RHOU: variants seen among roughly 807,000 people sequenced by gnomAD.
RHOU encodes the protein rho-related GTP-binding protein RhoU.
In RHOU, 8 loss-of-function variants were observed where a neutral mutation model predicts 12.6. That is an observed-to-expected ratio of 0.64 (90% CI 0.37 to 1.15). The LOEUF (loss-of-function observed/expected upper bound fraction) is 1.15. Among genes scored for constraint, RHOU ranks in the 50% most tolerant of loss-of-function variants. The pLI is 0.01. For synonymous variants in RHOU, 161 were observed against 147.4 expected (o/e 1.09, Z -0.67); for missense variants, 258 against 347.0 (o/e 0.74, Z 2.04).
chr1:228,710,597 A>G, the RHOU span, among the ~76,000 whole-genome samples: 1 of 152,218 alleles, frequency 6.6e-6, no homozygotes, highest in Non-Finnish European at 1.5e-5. Context: ...AAGGCCTTTG[A>G]CAAAATTCAA....
the RHOU span, among the ~76,000 whole-genome samples, chr1:228,664,454 G>C: frequency 6.6e-6 from 1 of 152,098 alleles, no homozygotes; most frequent in Non-Finnish European, 1.5e-5. Context: ...TCTCAGAAAC[G>C]TATTCTGAGA....
the RHOU span, among the ~76,000 whole-genome samples, chr1:228,702,576 A>G: frequency 4.6e-5 from 7 of 152,190 alleles, no homozygotes; most frequent in Non-Finnish European, 2.9e-5. Flanking sequence ...ACAAAAACAT[A>G]AGCTCACAGT....
At chr1:228,678,020 T>C in the RHOU span, among the ~76,000 whole-genome samples, 1 of 152,164 alleles carries the variant, frequency 6.6e-6, no homozygotes, top group South Asian at 2.1e-4. Flanking sequence ...GTATTTTAGT[T>C]TTCTGACTCG....
the RHOU span, among the ~76,000 whole-genome samples, chr1:228,708,490 TG>T: frequency 6.7e-6 from 1 of 149,116 alleles, no homozygotes; most frequent in Non-Finnish European, 1.5e-5. Flanking sequence ...CAGAAGAGAG[TG>T]GGGGCCAATA....
chr1:228,669,551 C>T, the RHOU span, among the ~76,000 whole-genome samples: 1 of 152,168 alleles, frequency 6.6e-6, no homozygotes, highest in Non-Finnish European at 1.5e-5. Context: ...TGAGGTAATC[C>T]ATGAGCTTTT....
the RHOU span, among the ~76,000 whole-genome samples, chr1:228,666,051 G>A: frequency 1.3e-4 from 20 of 151,152 alleles, no homozygotes; most frequent in African/African-American, 4.6e-4. Flanking sequence ...TCTGCCTCCC[G>A]GGTTCAAGTG....
chr1:228,707,577 G>A, the RHOU span, among the ~76,000 whole-genome samples: 29 of 151,996 alleles, frequency 1.9e-4, no homozygotes, highest in South Asian at 1.0e-3. Flanking sequence ...GGGTACTCCA[G>A]CAGACCTGCA....
the RHOU span, among the ~76,000 whole-genome samples, chr1:228,706,485 C>T: frequency 6.6e-6 from 1 of 152,282 alleles, no homozygotes; most frequent in African/African-American, 2.4e-5. Context: ...CTTATTTGAA[C>T]AGTTAACTGC....
At chr1:228,668,553 C>T in the RHOU span, among the ~76,000 whole-genome samples, 1 of 152,194 alleles carries the variant, frequency 6.6e-6, no homozygotes, top group African/African-American at 2.4e-5. Flanking sequence ...CAAACCACCA[C>T]ACACATTTGG....
the RHOU span, among the ~76,000 whole-genome samples, chr1:228,663,402 T>C: frequency 1.9e-4 from 29 of 152,240 alleles, no homozygotes; most frequent in Non-Finnish European, 3.7e-4. Context: ...GAATACAATG[T>C]GTGTGCAAAT....
the RHOU span, among the ~76,000 whole-genome samples, chr1:228,708,184 G>T: frequency 6.6e-6 from 1 of 152,200 alleles, no homozygotes; most frequent in Admixed American, 6.5e-5. Flanking sequence ...ACGTCTGATT[G>T]GTGTACCTGA....
the RHOU span, among the ~76,000 whole-genome samples, chr1:228,675,961 G>C: frequency 1.3e-5 from 2 of 152,082 alleles, no homozygotes; most frequent in South Asian, 4.1e-4. Flanking sequence ...AAAATTAGGA[G>C]AAGAGGCCAT....
chr1:228,646,779 C>T, the RHOU span, among the ~76,000 whole-genome samples: 1 of 152,032 alleles, frequency 6.6e-6, no homozygotes, highest in South Asian at 2.1e-4. Context: ...GGAACCCGCA[C>T]GCGAGCACGG....
the RHOU span, among the ~76,000 whole-genome samples, chr1:228,696,103 A>G: frequency 6.6e-6 from 1 of 152,236 alleles, no homozygotes; most frequent in Non-Finnish European, 1.5e-5. Flanking sequence ...AGGAAAATAG[A>G]GAGTAAAGAA....
chr1:228,687,628 T>A, the RHOU span: 6 of 1,561,752 alleles, frequency 3.8e-6, no homozygotes, highest in Non-Finnish European at 5.2e-6. Context: ...CTACTGGAAC[T>A]GCACAAACTG....
chr1:228,646,996 G>T, the RHOU span, among the ~76,000 whole-genome samples: 1 of 150,456 alleles, frequency 6.6e-6, no homozygotes, highest in East Asian at 2.0e-4. Flanking sequence ...GGGAAGGCTA[G>T]AGAAATAACG....
rs1167672794 is a variant in RHOU at position 228,745,177 on chromosome 1, G to A, written c.*1437G>A. The stretch of plus-strand genomic sequence containing the variant: ...GTGACAGTGAAATACATCCTTCAAG[G>A]TGGCAGCTGTTAGGGCTGAATCTTC... On this transcript the variant is annotated 3_prime_UTR_variant, in exon 3 of 3. Coordinates refer to ENST00000366691, the MANE Select transcript of RHOU (RefSeq NM_021205.6). The A allele has an allele frequency of 6.6e-6, 1 of 152,186 alleles. No individual in the cohort carries two copies. The highest frequency in any genetic ancestry group is 1.5e-5 in the Non-Finnish European group (1 of 68,050). 9.4% of individuals were successfully genotyped at this position (152,186 alleles called of 1,614,324 possible).
At chr1:228,648,361 G>C in the RHOU span, among the ~76,000 whole-genome samples, 2 of 152,142 alleles carry the variant, frequency 1.3e-5, no homozygotes, top group Non-Finnish European at 2.9e-5. Context: ...CCATTCCGCC[G>C]ACTCTCCAGG....
chr1:228,743,846 G>A lies in RHOU; in HGVS notation c.*106G>A. Reference sequence around the variant, plus strand: ...TGCGTAGAACCTATATCGAGAGTGTGTGTATATGTATTATAGGAGGAGCTC... The same window carrying A: ...TGCGTAGAACCTATATCGAGAGTGTATGTATATGTATTATAGGAGGAGCTC... On this transcript the variant is annotated 3_prime_UTR_variant, in exon 3 of 3. Coordinates refer to ENST00000366691, the MANE Select transcript of RHOU (RefSeq NM_021205.6). This position sits in a 1 kb window ranked among gnomAD's most constrained non-coding sequence, Gnocchi z 5.1. 1.1e-6 allele frequency: 1 copy of A among 935,950 alleles called. No homozygotes were observed. The allele number at this position is 935,950 out of a possible 1,614,324, so 58.0% of individuals were successfully genotyped here. A position where few individuals can be genotyped will look rare whatever the true frequency, so the allele number is the denominator to read the frequency against.
Sources: allele counts gnomAD v4.1 joint callset (sites outside exome capture counted in the v4.1 genomes callset), GRCh38; gene constraint gnomAD v4.1.1; non-coding constraint Gnocchi (gnomAD v3.1); transcripts MANE v1.5; gene names NCBI Gene and HGNC (gene_info 2026-07-23, HGNC 2026-07-21).